Variants in VSTM4 observed in about 807,000 individuals in gnomAD.
VSTM4 encodes V-set and transmembrane domain-containing protein 4.
In VSTM4, 20 loss-of-function variants were observed where a neutral mutation model predicts 36.4. The ratio of observed to expected loss-of-function variants is 0.55; its 90% confidence interval spans 0.39 to 0.80. The LOEUF is 0.80. Among genes scored for constraint, VSTM4 ranks in the 30% least tolerant of loss-of-function variants. The pLI is 0.00. For missense variants in VSTM4, 392 were observed against 404.5 expected (o/e 0.97, Z 0.26); for synonymous variants, 182 against 173.9 (o/e 1.05, Z -0.37).
intron 3 of VSTM4, among the ~76,000 whole-genome samples, chr10:49,077,938 T>A (rs1844209394): frequency 6.6e-6 from 1 of 151,342 alleles, no homozygotes; most frequent in African/African-American, 2.4e-5. Context: ...CTATCCAGAC[T>A]CTAAAGAACT....
chr10:49,108,179 G>C (rs188463712), intron 1 of VSTM4, among the ~76,000 whole-genome samples, 184 bp from the exon 2 acceptor site: 3 of 152,130 alleles, frequency 2.0e-5, no homozygotes, highest in African/African-American at 7.2e-5. Context: ...AGCCTCTGTG[G>C]GCCCCCACTG....
chr10:49,036,779 G>C (rs73300955), intron 7 of VSTM4, among the ~76,000 whole-genome samples: 1,632 of 152,354 alleles, frequency 0.011, 39 homozygotes, highest in African/African-American at 0.038. Flanking sequence ...TGTGGAACAA[G>C]GCAGGGCATC....
chr10:49,108,581 C>G (rs1299315736), intron 1 of VSTM4, among the ~76,000 whole-genome samples: 1 of 152,170 alleles, frequency 6.6e-6, no homozygotes, highest in Admixed American at 6.5e-5. Context: ...GTAGTAAGGT[C>G]GGATGTGAGC....
intron 2 of VSTM4, among the ~76,000 whole-genome samples, chr10:49,104,946 C>T (rs989832327): frequency 3.5e-5 from 5 of 144,372 alleles, no homozygotes; most frequent in Non-Finnish European, 7.5e-5. Flanking sequence ...GAGAGAAAGA[C>T]ACAGAGGGAG....
In VSTM4 at chr10:49,074,795, A is replaced by G. The variant is rs568539775; in HGVS notation, c.634+2424T>C. On this transcript the variant is annotated intron_variant, in intron 4 of 7. Coordinates refer to ENST00000332853, the MANE Select transcript of VSTM4 (RefSeq NM_001031746.5). ...ATTCCCTTGGCAAGGTCAGCCCCCGATAGCCAAGGTTTTCTTGAATAGAAA... is the reference window on the plus strand; with the variant it reads ...ATTCCCTTGGCAAGGTCAGCCCCCGGTAGCCAAGGTTTTCTTGAATAGAAA... Among the ~76,000 whole-genome samples, 109 of 152,338 alleles carry G rather than the reference A, an allele frequency of 7.2e-4. 3 individuals carry two copies. The South Asian group carries it at 0.021, about 30-fold the overall frequency.
intron 2 of VSTM4, among the ~76,000 whole-genome samples, chr10:49,105,109 G>A (rs1844748829): frequency 6.6e-6 from 1 of 150,908 alleles, no homozygotes; most frequent in Non-Finnish European, 1.5e-5. Context: ...GGGAGAGAGA[G>A]ACAGAGAGAG....
chr10:49,068,464 C>T (rs971597502), intron 4 of VSTM4, among the ~76,000 whole-genome samples: 1 of 152,118 alleles, frequency 6.6e-6, no homozygotes, highest in Non-Finnish European at 1.5e-5. Context: ...ACAGGAGATG[C>T]ACCCCTGCCA....
intron 2 of VSTM4, among the ~76,000 whole-genome samples, chr10:49,091,572 C>G (rs576821721): frequency 9.2e-5 from 14 of 152,300 alleles, no homozygotes; most frequent in Middle Eastern, 6.8e-3. Context: ...GCCCTAATTC[C>G]TGCCTTGGAA....
At chr10:49,102,687 G>C in intron 2 of VSTM4, 2 of 985,286 alleles carry the variant, frequency 2.0e-6, no homozygotes, top group Non-Finnish European at 2.4e-6. Flanking sequence ...TCCCAGAGAG[G>C]GTGACTACAT....
chr10:49,019,491 G>A lies in VSTM4; in HGVS notation c.*159C>T. 9.7e-7 allele frequency: 1 copy of A among 1,028,716 alleles called. No homozygotes were observed. Among genetic ancestry groups the A allele is most frequent in the Non-Finnish European group, 1.3e-6 (1 of 753,270 alleles). The allele number at this position is 1,028,716 out of a possible 1,614,324, so 63.7% of individuals were successfully genotyped here. A position where few individuals can be genotyped will look rare whatever the true frequency, so the allele number is the denominator to read the frequency against. ...GCCCCGATTCTTTTGGGGAGAGCAG[G>A]CTTGTACCTCTTCAAAGGCACCCAG... On this transcript the variant is annotated 3_prime_UTR_variant, in exon 8 of 8. Coordinates refer to ENST00000332853, the MANE Select transcript of VSTM4 (RefSeq NM_001031746.5).
intron 5 of VSTM4, among the ~76,000 whole-genome samples, chr10:49,061,584 T>C (rs188906975): frequency 1.3e-5 from 2 of 152,348 alleles, no homozygotes; most frequent in African/African-American, 4.8e-5. Context: ...CTTGTACTCA[T>C]GTGGAAACTT....
intron 5 of VSTM4, among the ~76,000 whole-genome samples, chr10:49,056,292 G>A (rs1387946569): frequency 1.3e-5 from 2 of 152,236 alleles, no homozygotes; most frequent in African/African-American, 4.8e-5. Flanking sequence ...TTTTGTTTGT[G>A]CTAACATTTT....
chr10:49,061,388 T>C (rs1843874755), intron 5 of VSTM4, among the ~76,000 whole-genome samples: 1 of 152,154 alleles, frequency 6.6e-6, no homozygotes, highest in African/African-American at 2.4e-5. Flanking sequence ...TCTGTCTCAA[T>C]TGGGCACCAT....
intron 7 of VSTM4, among the ~76,000 whole-genome samples, chr10:49,025,984 C>T (rs1329980923): frequency 2.0e-5 from 3 of 152,202 alleles, no homozygotes; most frequent in African/African-American, 4.8e-5. Flanking sequence ...GAAGCAGCCC[C>T]ACCTGAGGAA....
intron 7 of VSTM4, among the ~76,000 whole-genome samples, chr10:49,025,617 G>A (rs1843248672): frequency 6.6e-6 from 1 of 152,210 alleles, no homozygotes; most frequent in South Asian, 2.1e-4. Context: ...CTGGAAAGGG[G>A]GCAATGGTGA....
At chr10:49,078,078 TG>T (rs1460668162) in intron 3 of VSTM4, among the ~76,000 whole-genome samples, 1 of 152,004 alleles carries the variant, frequency 6.6e-6, no homozygotes, top group African/African-American at 2.4e-5. Flanking sequence ...CTTCTATCGC[TG>T]TTAGAGAAAT....
intron 5 of VSTM4, among the ~76,000 whole-genome samples, chr10:49,057,955 C>T (rs2131970974): frequency 6.6e-6 from 1 of 152,280 alleles, no homozygotes; most frequent in East Asian, 1.9e-4. Context: ...CAGAAAAGCC[C>T]CTGAAAGAAC....
At chr10:49,050,465 T>TG (rs1345928322) in intron 5 of VSTM4, among the ~76,000 whole-genome samples, 1 of 152,232 alleles carries the variant, frequency 6.6e-6, no homozygotes, top group Non-Finnish European at 1.5e-5. Flanking sequence ...AAGTAAAAAC[T>TG]GAATCACACG....
intron 2 of VSTM4, among the ~76,000 whole-genome samples, chr10:49,098,735 C>T (rs955368741): frequency 6.6e-6 from 1 of 152,204 alleles, no homozygotes; most frequent in Non-Finnish European, 1.5e-5. Flanking sequence ...AGGGACCCTG[C>T]GGTGTGTTCC....
Sources: gnomAD v4.1 joint callset for allele counts (sites outside exome capture counted in the v4.1 genomes callset) on GRCh38, gnomAD v4.1.1 for gene constraint, MANE v1.5 for transcripts, NCBI Gene and HGNC (gene_info 2026-07-23, HGNC 2026-07-21) for gene names.